Variants in HSD17B3 observed in about 807,000 individuals in gnomAD.
The protein encoded by HSD17B3 is 17-beta-hydroxysteroid dehydrogenase type 3.
Under a neutral mutation model 41.1 loss-of-function variants are expected in HSD17B3, and 29 were observed. The ratio of observed to expected loss-of-function variants is 0.71; its 90% CI spans 0.53 to 0.96. The LOEUF (loss-of-function observed/expected upper bound fraction) is 0.96. HSD17B3 is among the 40% of genes least tolerant of loss of function. The pLI is 0.00. For synonymous variants in HSD17B3, 126 were observed against 145.6 expected (o/e 0.87, Z 0.97); for missense variants, 323 against 374.6 (o/e 0.86, Z 1.14).
chr9:96,270,623 C>T (rs1826204634), intron 2 of HSD17B3, among the ~76,000 whole-genome samples: 1 of 152,212 alleles, frequency 6.6e-6, no homozygotes, highest in Non-Finnish European at 1.5e-5. Flanking sequence ...ACAGAGCTAG[C>T]CAAGTGATTT....
chr9:96,276,145 G>C (rs10820205), intron 2 of HSD17B3, among the ~76,000 whole-genome samples: 1 of 131,436 alleles, frequency 7.6e-6, no homozygotes, highest in Non-Finnish European at 1.6e-5. Flanking sequence ...GAAGAAAGAA[G>C]ACAATTCGAT....
chr9:96,272,405 CTATA>C (rs1199705437), intron 2 of HSD17B3, among the ~76,000 whole-genome samples: 342 of 21,466 alleles, frequency 0.016, 8 homozygotes, highest in Admixed American at 0.024. Flanking sequence ...CTCTCTCTCT[CTATA>C]TATATATATA....
At chr9:96,266,497 T>C (rs1423926499) in intron 2 of HSD17B3, among the ~76,000 whole-genome samples, 1 of 151,994 alleles carries the variant, frequency 6.6e-6, no homozygotes, top group African/African-American at 2.4e-5. Context: ...CTCAAACTCC[T>C]GGCCTCAAGC....
At position 96,235,409 on chromosome 9, in the gene HSD17B3, C is replaced by A. The variant is rs772600077; in HGVS notation, c.*51G>T. ...GGTCTGCTCCTCTGGTCCTCTTCAGCCAGCATGGGACTGGTGAGGAAAAGG... is the reference window on the plus strand; with the variant it reads ...GGTCTGCTCCTCTGGTCCTCTTCAGACAGCATGGGACTGGTGAGGAAAAGG... On this transcript the variant is annotated 3_prime_UTR_variant, in exon 11 of 11. Coordinates refer to ENST00000375263, the MANE Select transcript of HSD17B3 (RefSeq NM_000197.2). The A allele has an allele frequency of 1.6e-6, 2 of 1,282,436 alleles. No individual in the cohort carries two copies. Among genetic ancestry groups the A allele is most frequent in the Non-Finnish European group, 2.2e-6 (2 of 890,478 alleles). The allele number at this position is 1,282,436 out of a possible 1,614,324, so 79.4% of individuals were successfully genotyped here. A position where few individuals can be genotyped will look rare whatever the true frequency, so the allele number is the denominator to read the frequency against.
At chr9:96,262,229 C>CTTTTTTTTTTTTTTTTT (rs71368240) in intron 2 of HSD17B3, among the ~76,000 whole-genome samples, 1 of 54,166 alleles carries the variant, frequency 1.8e-5, no homozygotes, top group Non-Finnish European at 3.1e-5. Flanking sequence ...ATGTCAATTG[C>CTTTTTTTTTTTTTTTTT]TTTTTTTTTT....
intron 2 of HSD17B3, among the ~76,000 whole-genome samples, chr9:96,281,454 T>G (rs1373716923): frequency 3.9e-5 from 6 of 152,020 alleles, no homozygotes; most frequent in Non-Finnish European, 8.8e-5. Flanking sequence ...CCCTTCTTAA[T>G]AAAAGGCAAG....
Position 96,294,445 on chromosome 9 carries a change from T to C in HSD17B3, c.201+3971A>G, listed in dbSNP as rs553595498. 6.6e-5 allele frequency among the ~76,000 whole-genome samples: 10 copies of C among 152,304 alleles called. No homozygotes were observed. In the South Asian group the frequency reaches 1.5e-3, roughly 22 times the overall value. On this transcript the variant is annotated intron_variant, in intron 2 of 10. Coordinates refer to ENST00000375263, the MANE Select transcript of HSD17B3 (RefSeq NM_000197.2). ...CCACAGCTCCTGACCCCCAGGGCCA[T>C]TGCTTTGTGAAACAATAAAGAAATG...
rs1378603446 is a variant in HSD17B3, at chr9:96,254,944, C to T, written c.202-1G>A. On this transcript the variant is annotated splice_acceptor_variant, in intron 2 of 10. Coordinates refer to ENST00000375263, the MANE Select transcript of HSD17B3 (RefSeq NM_000197.2). LOFTEE classifies it high-confidence loss of function. Reference sequence around the variant, plus strand: ...CAACATTGAGTCCACGTTTTGCTAGCTGAGAGTGGGAGTGAAAAACCAAGA... The same window carrying T: ...CAACATTGAGTCCACGTTTTGCTAGTTGAGAGTGGGAGTGAAAAACCAAGA... The T allele has an allele frequency of 5.6e-6, 9 of 1,613,436 alleles. No individual in the cohort carries two copies. Among genetic ancestry groups the T allele is most frequent in the Non-Finnish European group, 6.8e-6 (8 of 1,179,726 alleles).
Position 96,283,297 on chromosome 9 carries a change from G to A in HSD17B3, c.201+15119C>T, listed in dbSNP as rs143502748. On this transcript the variant is annotated intron_variant, in intron 2 of 10. Coordinates refer to ENST00000375263, the MANE Select transcript of HSD17B3 (RefSeq NM_000197.2). ...TGGGACTACAGGCATGAGCCACTGC[G>A]CCCAGCCATTTCTCTTAAAGCAAAA... Among the ~76,000 whole-genome samples the A allele has an allele frequency of 6.8e-3, 1,029 of 152,082 alleles. 12 individuals carry two copies. Among genetic ancestry groups the A allele is most frequent in the African/African-American group, 0.023 (949 of 41,504 alleles).
At chr9:96,292,275 T>C (rs1436780709) in intron 2 of HSD17B3, among the ~76,000 whole-genome samples, 1 of 152,202 alleles carries the variant, frequency 6.6e-6, no homozygotes, top group Non-Finnish European at 1.5e-5. Context: ...CTAATATTCA[T>C]GTCCATTGGA....
intron 2 of HSD17B3, among the ~76,000 whole-genome samples, chr9:96,256,831 C>A (rs1363749337): frequency 1.3e-5 from 2 of 151,962 alleles, no homozygotes; most frequent in Non-Finnish European, 2.9e-5. Context: ...CCCACCAAAC[C>A]GTCTGATATG....
chr9:96,249,798 A>C lies in HSD17B3; in HGVS notation c.454-12T>G. 2.5e-6 allele frequency: 4 copies of C among 1,614,116 alleles called. No individual in the cohort carries two copies. Among genetic ancestry groups the C allele is most frequent in the Non-Finnish European group, 3.4e-6 (4 of 1,179,960 alleles). ...CAATGGATGAGGCTCTGTAATAAATAATCACAACCACACATCAGCCGGATG... is the reference window on the plus strand; with the variant it reads ...CAATGGATGAGGCTCTGTAATAAATCATCACAACCACACATCAGCCGGATG... On this transcript the variant is annotated splice_polypyrimidine_tract_variant and intron_variant, in intron 5 of 10. Coordinates refer to ENST00000375263, the MANE Select transcript of HSD17B3 (RefSeq NM_000197.2).
intron 5 of HSD17B3, chr9:96,250,497 G>A (rs1315924188): frequency 9.5e-7 from 1 of 1,051,598 alleles, no homozygotes; most frequent in Admixed American, 5.4e-5. Context: ...TGCAGAAGTG[G>A]GGAATGGAAG....
At position 96,264,223 on chromosome 9, in the gene HSD17B3, T is replaced by TA. The variant is rs748526040; in HGVS notation, c.202-9281dup. Reference sequence around the variant, plus strand: ...CCTATGGATTAGTAAAACACTGAAATAAAAAATGCACACAAAACAATAAAC... The same window carrying TA: ...CCTATGGATTAGTAAAACACTGAAATAAAAAAATGCACACAAAACAATAAAC... On this transcript the variant is annotated intron_variant, in intron 2 of 10. Coordinates refer to ENST00000375263, the MANE Select transcript of HSD17B3 (RefSeq NM_000197.2). Among the ~76,000 whole-genome samples the TA allele has an allele frequency of 5.5e-5, 8 of 144,556 alleles. No homozygotes were observed. The East Asian group carries it at 1.6e-3, about 29-fold the overall frequency. The allele number at this position is 144,556 out of a possible 152,430, so 94.8% of individuals were successfully genotyped here. A position where few individuals can be genotyped will look rare whatever the true frequency, so the allele number is the denominator to read the frequency against.
At chr9:96,275,605 C>T (rs1308197494) in intron 2 of HSD17B3, among the ~76,000 whole-genome samples, 4 of 150,706 alleles carry the variant, frequency 2.7e-5, no homozygotes, top group Non-Finnish European at 5.9e-5. Context: ...AAAAAGCAAA[C>T]TCTTTCTACA....
At chr9:96,254,053 A>G (rs762928682) in intron 3 of HSD17B3, among the ~76,000 whole-genome samples, 2 of 152,214 alleles carry the variant, frequency 1.3e-5, no homozygotes, top group Non-Finnish European at 2.9e-5. Flanking sequence ...CCTTTGAGTT[A>G]AAGAGTTTGT....
chr9:96,240,440 G>T (rs1836392085), intron 10 of HSD17B3, among the ~76,000 whole-genome samples: 1 of 152,140 alleles, frequency 6.6e-6, no homozygotes, highest in Non-Finnish European at 1.5e-5. Context: ...TGGAATAGAG[G>T]GTCAAGAGAA....
intron 2 of HSD17B3, among the ~76,000 whole-genome samples, chr9:96,262,038 T>C (rs936893085): frequency 2.0e-5 from 3 of 152,044 alleles, no homozygotes; most frequent in African/African-American, 7.3e-5. Context: ...GAAGGATCAG[T>C]GAGGCAACAG....
At chr9:96,300,248 A>ACACACACACACACACACACC (rs1554705307) in intron 1 of HSD17B3, among the ~76,000 whole-genome samples, 1 of 150,744 alleles carries the variant, frequency 6.6e-6, no homozygotes, top group Non-Finnish European at 1.5e-5. Context: ...ACACACACAC[A>ACACACACACACACACACACC]CACACGCACA....
Sources: gnomAD v4.1 joint callset for allele counts (sites outside exome capture counted in the v4.1 genomes callset) on GRCh38, gnomAD v4.1.1 for gene constraint, MANE v1.5 for transcripts, NCBI Gene and HGNC (gene_info 2026-07-23, HGNC 2026-07-21) for gene names.